Variants in MYO16 observed in about 807,000 individuals in gnomAD.
MYO16 encodes unconventional myosin-XVI.
Under a neutral mutation model 205.3 loss-of-function variants are expected in MYO16, and 94 were observed. The observed-to-expected ratio is 0.46, with a 90% CI of 0.39 to 0.54. MYO16 has a LOEUF of 0.54. MYO16 is among the 20% of genes least tolerant of loss of function. MYO16 has a pLI of 0.00. For synonymous variants in MYO16, 988 were observed against 954.0 expected, an observed-to-expected ratio of 1.04 and a Z score of -0.66; for missense variants, 2,315 against 2,387.5, an observed-to-expected ratio of 0.97 and a Z score of 0.63.
At chr13:108,908,405 G>A (rs991897317) in intron 15 of MYO16, among the ~76,000 whole-genome samples, 1 of 152,186 alleles carries the variant, frequency 6.6e-6, no homozygotes, top group Non-Finnish European at 1.5e-5. Flanking sequence ...TGCATTGGAA[G>A]GCATTGTAAA....
chr13:108,787,321 T>A (rs191358439), intron 5 of MYO16, among the ~76,000 whole-genome samples: 134 of 152,226 alleles, frequency 8.8e-4, no homozygotes, highest in African/African-American at 3.2e-3. Flanking sequence ...ATGAATGGTT[T>A]AAAAAAATAA....
chr13:109,015,006 G>A (rs1241996868), intron 22 of MYO16, among the ~76,000 whole-genome samples: 3 of 152,204 alleles, frequency 2.0e-5, no homozygotes, highest in African/African-American at 4.8e-5. Flanking sequence ...ATGTTGAATA[G>A]GAGTGATGAC....
chr13:108,910,853 A>T (rs766991390), intron 16 of MYO16, among the ~76,000 whole-genome samples: 1 of 152,130 alleles, frequency 6.6e-6, no homozygotes. Flanking sequence ...TCCAAACTCA[A>T]TTCAGTGGCG....
chr13:108,868,860 C>T (rs1878858580), intron 12 of MYO16, among the ~76,000 whole-genome samples: 1 of 148,000 alleles, frequency 6.8e-6, no homozygotes, highest in East Asian at 2.0e-4. Flanking sequence ...GCAGAGGTTG[C>T]AGTGAGCCGA....
At chr13:109,199,355 A>T (rs1266062490) in intron 34 of MYO16, among the ~76,000 whole-genome samples, 1 of 151,112 alleles carries the variant, frequency 6.6e-6, no homozygotes, top group Non-Finnish European at 1.5e-5. Context: ...TGAAGCAGGG[A>T]GCTCCTAGAG....
intron 27 of MYO16, among the ~76,000 whole-genome samples, chr13:109,071,802 G>A (rs1312616801): frequency 6.6e-6 from 1 of 151,994 alleles, no homozygotes; most frequent in Non-Finnish European, 1.5e-5. Context: ...AATCATCACA[G>A]GAACTAGTAA....
intron 29 of MYO16, among the ~76,000 whole-genome samples, chr13:109,124,086 A>G (rs1483965251): frequency 6.6e-6 from 1 of 152,172 alleles, no homozygotes; most frequent in Non-Finnish European, 1.5e-5. Flanking sequence ...AGAAGGCGTC[A>G]CTGTGCTGGC....
rs1555342066 is a variant in MYO16 at position 108,724,907 on chromosome 13, T to TCA, written c.364-2530_364-2529dup. Among the ~76,000 whole-genome samples the TCA allele has an allele frequency of 2.6e-3, 6 of 2,330 alleles. No individual in the cohort carries two copies. The Non-Finnish European group carries it at 0.031, about 12-fold the overall frequency. The allele number at this position is 2,330 out of a possible 152,430, so 1.5% of individuals were successfully genotyped here. A position where few individuals can be genotyped will look rare whatever the true frequency, so the allele number is the denominator to read the frequency against. On this transcript the variant is annotated intron_variant, in intron 3 of 34. Transcript: ENST00000457511. ...TACTAAATGAAAAAATATATATAAC[T>TCA]CACAGTCACAATTCTCAGTGCTCTT...
Position 109,009,894 on chromosome 13 carries a change from A to G in MYO16, c.2595+845A>G, listed in dbSNP as rs114436704. Among the ~76,000 whole-genome samples, 1,370 of 152,298 alleles carry G rather than the reference A, an allele frequency of 9.0e-3. 24 individuals carry two copies. The highest frequency in any genetic ancestry group is 0.031 in the African/African-American group (1,287 of 41,548). Reference sequence around the variant, plus strand: ...GCCCTCGTAGTGACATACATAACCTATAATTATTTAAGGTTTAAAAATGTC... The same window carrying G: ...GCCCTCGTAGTGACATACATAACCTGTAATTATTTAAGGTTTAAAAATGTC... On this transcript the variant is annotated intron_variant, in intron 22 of 34. Transcript: ENST00000457511.
chr13:108,835,134 G>C (rs988205073), intron 9 of MYO16, among the ~76,000 whole-genome samples: 16 of 151,598 alleles, frequency 1.1e-4, no homozygotes, highest in Non-Finnish European at 5.9e-5. Flanking sequence ...GTTTAGATGT[G>C]TCCCCACCCA....
chr13:108,714,528 G>A (rs749256494), intron 3 of MYO16, among the ~76,000 whole-genome samples: 1 of 152,076 alleles, frequency 6.6e-6, no homozygotes, highest in Non-Finnish European at 1.5e-5. Context: ...AGGAAGAGGA[G>A]TTGGAAGGGA....
At chr13:108,874,267 G>T (rs549372212) in intron 12 of MYO16, among the ~76,000 whole-genome samples, 3 of 152,136 alleles carry the variant, frequency 2.0e-5, no homozygotes, top group Non-Finnish European at 2.9e-5. Flanking sequence ...TAAAAAATTA[G>T]TAAGATTCTG....
At chr13:108,869,622 T>G (rs1484733625) in intron 12 of MYO16, among the ~76,000 whole-genome samples, 9 of 147,452 alleles carry the variant, frequency 6.1e-5, no homozygotes, top group African/African-American at 2.0e-4. Context: ...TCCCAGCTAC[T>G]CGGGAGGCTG....
chr13:108,683,124 T>C (rs1882532925), intron 2 of MYO16, among the ~76,000 whole-genome samples: 1 of 152,226 alleles, frequency 6.6e-6, no homozygotes, highest in Non-Finnish European at 1.5e-5. Flanking sequence ...CCTGGTTTCC[T>C]CAGCTGAAGG....
chr13:108,545,829 C>A, the MYO16 span, among the ~76,000 whole-genome samples: 3,152 of 152,216 alleles, frequency 0.021, 102 homozygotes, highest in South Asian at 0.051. Context: ...GGAGTCAGAA[C>A]AAGGCTTAGT....
At chr13:108,964,181 A>G (rs1373607231) in intron 19 of MYO16, among the ~76,000 whole-genome samples, 1 of 152,152 alleles carries the variant, frequency 6.6e-6, no homozygotes, top group African/African-American at 2.4e-5. Context: ...GATAGGCTCA[A>G]TGCCAAACCA....
chr13:108,781,664 T>C (rs1198359730), intron 4 of MYO16, among the ~76,000 whole-genome samples: 1 of 152,074 alleles, frequency 6.6e-6, no homozygotes, highest in African/African-American at 2.4e-5. Flanking sequence ...GCATGCCTGA[T>C]ATGGTTTGCC....
At chr13:109,163,127 C>G (rs529126696) in intron 32 of MYO16, among the ~76,000 whole-genome samples, 1 of 151,080 alleles carries the variant, frequency 6.6e-6, no homozygotes, top group Non-Finnish European at 1.5e-5. Flanking sequence ...ATCTATCCAG[C>G]GTTTCCTGCT....
At chr13:108,519,068 T>C in the MYO16 span, among the ~76,000 whole-genome samples, 4 of 151,528 alleles carry the variant, frequency 2.6e-5, no homozygotes, top group African/African-American at 9.7e-5. Context: ...GTGTTGAAAA[T>C]AGAAAAAAAA....
Sources: allele counts gnomAD v4.1 joint callset (sites outside exome capture counted in the v4.1 genomes callset), GRCh38; gene constraint gnomAD v4.1.1; transcripts MANE v1.5; gene names NCBI Gene and HGNC (gene_info 2026-07-23, HGNC 2026-07-21).